JMJD1C: variants seen among roughly 807,000 people sequenced by gnomAD.
JMJD1C encodes the protein jumonji domain-containing protein 1C.
Under a neutral mutation model 245.3 loss-of-function variants are expected in JMJD1C, and 31 were observed. That is an observed-to-expected ratio of 0.13 (90% CI 0.09 to 0.17). JMJD1C has a LOEUF of 0.17. JMJD1C is among the 10% of genes least tolerant of loss of function. The pLI is 1.00. For missense variants in JMJD1C, 2,691 were observed against 3,000.2 expected, an observed-to-expected ratio of 0.90 and a Z score of 2.41; for synonymous variants, 1,057 against 1,017.4, an observed-to-expected ratio of 1.04 and a Z score of -0.74.
intron 1 of JMJD1C, among the ~76,000 whole-genome samples, chr10:63,381,628 T>A (rs369379101): frequency 6.6e-6 from 1 of 152,134 alleles, no homozygotes; most frequent in Admixed American, 6.5e-5. Context: ...AGAAAAGAGG[T>A]TGGTTAATGA....
chr10:63,498,124 A>AC (rs912289348), intron 1 of JMJD1C, among the ~76,000 whole-genome samples: 2 of 152,166 alleles, frequency 1.3e-5, no homozygotes, highest in African/African-American at 4.8e-5. Flanking sequence ...AGATACTGAC[A>AC]GTTTTTCCTC....
Position 63,206,910 on chromosome 10 carries a change from T to C in JMJD1C, c.4759A>G (p.Ile1587Val). Reference protein sequence around the residue: ...EIIKPCSVNLIASTSSDIQNS... With the variant: ...EIIKPCSVNLVASTSSDIQNS... Reference sequence around the variant, plus strand: ...TGTATATCACTAGATGTAGAGGCTATTAAGTTGACAGAACATGGCTTAATA... The same window carrying C: ...TGTATATCACTAGATGTAGAGGCTACTAAGTTGACAGAACATGGCTTAATA... The change falls in exon 10 of 26, where the codon ATA becomes GTA. Residue 1587 changes from isoleucine (I) to valine (V), a missense_variant. Physicochemically the swap from Ile to Val is conservative, Grantham distance 29. This residue lies in a region of JMJD1C where 144 missense variants were observed against 143.3 expected (regional missense o/e 1.00). Coordinates refer to ENST00000399262, the MANE Select transcript of JMJD1C (RefSeq NM_032776.3). The C allele has an allele frequency of 6.2e-7, 1 of 1,610,940 alleles. No individual in the cohort carries two copies. Among genetic ancestry groups the C allele is most frequent in the Non-Finnish European group, 8.5e-7 (1 of 1,177,894 alleles).
At chr10:63,488,570 G>C (rs1275731958) in intron 1 of JMJD1C, among the ~76,000 whole-genome samples, 1 of 150,856 alleles carries the variant, frequency 6.6e-6, no homozygotes, top group Non-Finnish European at 1.5e-5. Flanking sequence ...TATATTTAAA[G>C]ATAACACTAC....
At chr10:63,521,598 C>A in intron 1 of JMJD1C, 1 of 1,402,564 alleles carries the variant, frequency 7.1e-7, no homozygotes, top group Middle Eastern at 2.0e-4. Flanking sequence ...CTCACTGCGC[C>A]CTGCAGCCGG....
At chr10:63,363,119 C>A (rs769741618) in intron 2 of JMJD1C, among the ~76,000 whole-genome samples, 4 of 151,930 alleles carry the variant, frequency 2.6e-5, no homozygotes, top group Non-Finnish European at 4.4e-5. Context: ...TCTGATGGGC[C>A]AAATGTCCTT....
chr10:63,235,075 G>A (rs532399749), intron 3 of JMJD1C, among the ~76,000 whole-genome samples: 1 of 152,242 alleles, frequency 6.6e-6, no homozygotes, highest in Admixed American at 6.5e-5. Flanking sequence ...AAACAGACTT[G>A]TAACTTAGAA....
chr10:63,475,303 CT>C (rs2133165484), intron 1 of JMJD1C, among the ~76,000 whole-genome samples: 1 of 152,280 alleles, frequency 6.6e-6, no homozygotes, highest in South Asian at 2.1e-4. Flanking sequence ...TGAATACATA[CT>C]TCCTAGAGGG....
At chr10:63,517,936 G>T (rs984357017) in intron 1 of JMJD1C, among the ~76,000 whole-genome samples, 6 of 152,050 alleles carry the variant, frequency 3.9e-5, no homozygotes, top group Non-Finnish European at 7.4e-5. Flanking sequence ...GGGATTACAG[G>T]TGTGCACCAT....
chr10:63,371,644 G>A (rs1056596971), intron 2 of JMJD1C, among the ~76,000 whole-genome samples: 2 of 151,380 alleles, frequency 1.3e-5, no homozygotes, highest in African/African-American at 4.8e-5. Context: ...TAGAATTAAT[G>A]AATCAAAGAG....
intron 2 of JMJD1C, among the ~76,000 whole-genome samples, chr10:63,341,671 T>G (rs1436141111): frequency 6.6e-6 from 1 of 152,220 alleles, no homozygotes; most frequent in Non-Finnish European, 1.5e-5. Context: ...TTCTTATTCC[T>G]TCAACTGTTC....
intron 1 of JMJD1C, among the ~76,000 whole-genome samples, chr10:63,514,395 T>C (rs965320540): frequency 2.6e-5 from 4 of 152,082 alleles, no homozygotes; most frequent in African/African-American, 9.7e-5. Context: ...ATCAACAGGA[T>C]TGGATAAAGA....
At position 63,362,235 on chromosome 10, in the gene JMJD1C, T is replaced by TAAA. The variant is rs10637662; in HGVS notation, c.333+18080_333+18082dup. 9.7e-4 allele frequency among the ~76,000 whole-genome samples: 127 copies of TAAA among 131,164 alleles called. 1 individual carries two copies. The highest frequency in any genetic ancestry group is 1.4e-3 in the South Asian group (6 of 4,196). 86.0% of individuals were successfully genotyped at this position (131,164 alleles called of 152,430 possible). A position where few individuals can be genotyped will look rare whatever the true frequency, so the allele number is the denominator to read the frequency against. On this transcript the variant is annotated intron_variant, in intron 2 of 25. Transcript: ENST00000399262. ...GCGCAACAGAGTGAGACTGCATCTCTAAAAAAAAAAAAAAAAATCACTAGT... is the reference window on the plus strand; with the variant it reads ...GCGCAACAGAGTGAGACTGCATCTCTAAAAAAAAAAAAAAAAAAAATCACTAGT...
chr10:63,281,563 C>T (rs894066173), intron 2 of JMJD1C, among the ~76,000 whole-genome samples: 7 of 141,056 alleles, frequency 5.0e-5, no homozygotes, highest in African/African-American at 1.3e-4. Context: ...CTCTGCCTCC[C>T]GGGTTCAAGC....
chr10:63,193,832 A>C (rs184747022), intron 14 of JMJD1C, among the ~76,000 whole-genome samples: 1 of 152,000 alleles, frequency 6.6e-6, no homozygotes, highest in Non-Finnish European at 1.5e-5. Flanking sequence ...ACGCCCGGCT[A>C]ATTTTTTGTA....
At chr10:63,216,890 G>A (rs974503858) in intron 5 of JMJD1C, among the ~76,000 whole-genome samples, 2 of 152,092 alleles carry the variant, frequency 1.3e-5, no homozygotes, top group Non-Finnish European at 2.9e-5. Context: ...TTACTGGAGG[G>A]ACAGAAAAAC....
intron 3 of JMJD1C, among the ~76,000 whole-genome samples, chr10:63,244,520 AAC>A (rs977533873): frequency 3.9e-5 from 6 of 152,172 alleles, no homozygotes; most frequent in Admixed American, 3.9e-4. Flanking sequence ...ATCCAAAAGA[AAC>A]AACAGCAAAC....
At chr10:63,212,271 A>G (rs1222183284) in intron 8 of JMJD1C, among the ~76,000 whole-genome samples, 2 of 152,156 alleles carry the variant, frequency 1.3e-5, no homozygotes, top group Admixed American at 1.3e-4. Context: ...ACACTACTGA[A>G]CTGTACACTT....
intron 1 of JMJD1C, among the ~76,000 whole-genome samples, chr10:63,412,870 T>C (rs745339019): frequency 1.2e-4 from 19 of 152,206 alleles, no homozygotes; most frequent in Non-Finnish European, 1.6e-4. Flanking sequence ...ATCTCTAAAA[T>C]ATTTTGCAAT....
At chr10:63,338,640 ATTTTTTTTTTTT>A (rs34238197) in intron 2 of JMJD1C, among the ~76,000 whole-genome samples, 12 of 95,126 alleles carry the variant, frequency 1.3e-4, no homozygotes, top group African/African-American at 2.5e-4. Flanking sequence ...TGCTCCTTAG[ATTTTTTTTTTTT>A]TTTTTTTTTT....
Sources: gnomAD v4.1 joint callset for allele counts (sites outside exome capture counted in the v4.1 genomes callset) on GRCh38, gnomAD v4.1.1 for gene constraint, gnomAD v4.1.1 regional missense constraint, MANE v1.5 for transcripts, NCBI Gene and HGNC (gene_info 2026-07-23, HGNC 2026-07-21) for gene names.